SLAIN2: variants seen among roughly 807,000 people sequenced by gnomAD.
SLAIN2 encodes the protein SLAIN family member 2, also known as SLAIN motif-containing protein 2.
Under a neutral mutation model 56.6 loss-of-function variants are expected in SLAIN2, and 31 were observed. The observed-to-expected ratio is 0.55, with a 90% CI of 0.41 to 0.74. The LOEUF (loss-of-function observed/expected upper bound fraction) is 0.74, where lower values mean the gene tolerates loss of function less well. Ranked by LOEUF, SLAIN2 falls within the 30% of genes least tolerant of loss-of-function variation. The pLI is 0.00. For synonymous variants in SLAIN2, 317 were observed against 284.9 expected (o/e 1.11, Z -1.13); for missense variants, 777 against 754.2 (o/e 1.03, Z -0.35).
Position 48,341,916 on chromosome 4 carries a change from C to T in SLAIN2, c.177C>T (p.Ser59=), listed in dbSNP as rs1161741613. 27 of 1,506,088 alleles carry T rather than the reference C, an allele frequency of 1.8e-5. No homozygotes were observed. In the East Asian group the frequency reaches 7.3e-4, roughly 41 times the overall value. 93.3% of individuals were successfully genotyped at this position (1,506,088 alleles called of 1,614,324 possible). ...GGGCCGGCGCGTCCATTCCCTCCTC[C>T]GGCGCGGCGTCTCCTCGGGGCTTCC... The part of the protein sequence containing the change: ...PVRAGASIPS[S]GAASPRGFPL... The change falls in exon 1 of 8, where the codon TCC becomes TCT. Residue 59 remains serine (S), a synonymous_variant. Transcript: ENST00000264313.
intron 1 of SLAIN2, among the ~76,000 whole-genome samples, chr4:48,367,308 A>G (rs1345116939): frequency 6.6e-6 from 1 of 152,188 alleles, no homozygotes; most frequent in Non-Finnish European, 1.5e-5. Flanking sequence ...GGACACTGAA[A>G]TAAGAGGATA....
chr4:48,378,078 T>C lies in SLAIN2; in HGVS notation c.703+18T>C, dbSNP rs373416896. 4.7e-5 allele frequency: 75 copies of C among 1,609,238 alleles called. No homozygotes were observed. Among genetic ancestry groups the C allele is most frequent in the African/African-American group, 1.2e-4 (9 of 74,714 alleles). ...AAATTCAGGTAAGGAGAAAATGATA[T>C]GGAGCTATTAAGGAATGTTTTTTAG... On this transcript the variant is annotated intron_variant, in intron 3 of 7. Coordinates refer to ENST00000264313, the MANE Select transcript of SLAIN2 (RefSeq NM_020846.2).
chr4:48,373,435 G>A (rs898957295), intron 2 of SLAIN2, among the ~76,000 whole-genome samples: 2 of 151,988 alleles, frequency 1.3e-5, no homozygotes, highest in African/African-American at 4.8e-5. Flanking sequence ...TGTTTATATG[G>A]TGTCTAGTAT....
At chr4:48,369,155 ATAAAT>A (rs1189889038) in intron 1 of SLAIN2, among the ~76,000 whole-genome samples, 4 of 152,336 alleles carry the variant, frequency 2.6e-5, no homozygotes, top group South Asian at 2.1e-4. Flanking sequence ...GACACTTGAA[ATAAAT>A]TAATAGTAAC....
At chr4:48,397,836 C>CT (rs1486033022) in intron 6 of SLAIN2, among the ~76,000 whole-genome samples, 1 of 152,128 alleles carries the variant, frequency 6.6e-6, no homozygotes, top group Non-Finnish European at 1.5e-5. Flanking sequence ...GACATGAACT[C>CT]TTTCTTTCTT....
At position 48,348,029 on chromosome 4, in the gene SLAIN2, A is replaced by T. The variant is rs192829311; in HGVS notation, c.389+5901A>T. Among the ~76,000 whole-genome samples, 259 of 152,372 alleles carry T rather than the reference A, an allele frequency of 1.7e-3. 1 individual carries two copies. Among genetic ancestry groups the T allele is most frequent in the African/African-American group, 6.0e-3 (249 of 41,586 alleles). Reference sequence around the variant, plus strand: ...GAGATTGACACCAAACCTAAAAGTCAAGTCTGATGAAGTACGATTGATCTT... The same window carrying T: ...GAGATTGACACCAAACCTAAAAGTCTAGTCTGATGAAGTACGATTGATCTT... On this transcript the variant is annotated intron_variant, in intron 1 of 7. Transcript: ENST00000264313.
At chr4:48,379,629 A>G in intron 3 of SLAIN2, 61 bp from the exon 4 acceptor site, 1 of 1,245,962 alleles carries the variant, frequency 8.0e-7, no homozygotes, top group Non-Finnish European at 1.0e-6. Flanking sequence ...TAGTTGCAGT[A>G]GGCATTTATT....
chr4:48,421,949 A>G (rs1717166090), intron 7 of SLAIN2, 62 bp from the exon 8 acceptor site: 1 of 1,264,100 alleles, frequency 7.9e-7, no homozygotes, highest in African/African-American at 1.5e-5. Context: ...TGTGTGAGAT[A>G]GTATGGTACT....
At chr4:48,405,009 G>A (rs1289486535) in intron 6 of SLAIN2, among the ~76,000 whole-genome samples, 1 of 152,012 alleles carries the variant, frequency 6.6e-6, no homozygotes, top group Non-Finnish European at 1.5e-5. Context: ...TGATGTTGTA[G>A]GACTTTACTT....
At chr4:48,363,648 G>A in intron 1 of SLAIN2, among the ~76,000 whole-genome samples, 1 of 107,884 alleles carries the variant, frequency 9.3e-6, no homozygotes, top group Non-Finnish European at 2.0e-5. Flanking sequence ...CCCGGACGGG[G>A]CGGCTGGCCG....
At chr4:48,352,739 A>G (rs1183081549) in intron 1 of SLAIN2, among the ~76,000 whole-genome samples, 1 of 152,214 alleles carries the variant, frequency 6.6e-6, no homozygotes, top group Admixed American at 6.5e-5. Flanking sequence ...TGCAGTAATA[A>G]GTTTCGTATT....
intron 6 of SLAIN2, among the ~76,000 whole-genome samples, chr4:48,389,431 T>C (rs1422376587): frequency 6.6e-6 from 1 of 152,196 alleles, no homozygotes; most frequent in Non-Finnish European, 1.5e-5. Flanking sequence ...GTCACTTATG[T>C]GTTCCTTAAT....
intron 6 of SLAIN2, among the ~76,000 whole-genome samples, chr4:48,396,878 G>A (rs1716405559): frequency 1.3e-5 from 2 of 152,186 alleles, no homozygotes; most frequent in South Asian, 4.1e-4. Flanking sequence ...AGTAAGAACT[G>A]TGTTGCTTGG....
At chr4:48,389,629 C>T (rs1232388320) in intron 6 of SLAIN2, among the ~76,000 whole-genome samples, 2 of 152,188 alleles carry the variant, frequency 1.3e-5, no homozygotes, top group African/African-American at 2.4e-5. Flanking sequence ...TCAGCCAGCT[C>T]AGAAGGAGCT....
intron 6 of SLAIN2, among the ~76,000 whole-genome samples, chr4:48,409,125 A>AC (rs1373014996): frequency 6.6e-6 from 1 of 152,164 alleles, no homozygotes; most frequent in Non-Finnish European, 1.5e-5. Context: ...AAGCAATGTG[A>AC]AATAATAACA....
At chr4:48,402,682 C>G (rs1032957140) in intron 6 of SLAIN2, among the ~76,000 whole-genome samples, 1 of 152,114 alleles carries the variant, frequency 6.6e-6, no homozygotes, top group African/African-American at 2.4e-5. Context: ...TTCTTAGCTT[C>G]TTTGCATTGG....
chr4:48,385,848 G>A (rs1230221821), intron 6 of SLAIN2, among the ~76,000 whole-genome samples: 1 of 151,588 alleles, frequency 6.6e-6, no homozygotes, highest in East Asian at 1.9e-4. Context: ...TATACTTCAT[G>A]TTAAGCTGTT....
chr4:48,361,285 A>G (rs1379872577), intron 1 of SLAIN2, among the ~76,000 whole-genome samples: 1 of 152,220 alleles, frequency 6.6e-6, no homozygotes, highest in African/African-American at 2.4e-5. Flanking sequence ...ACTTGTTGCA[A>G]GGGGAACAAC....
At chr4:48,414,134 T>C (rs532586099) in intron 6 of SLAIN2, among the ~76,000 whole-genome samples, 1 of 152,336 alleles carries the variant, frequency 6.6e-6, no homozygotes, top group Non-Finnish European at 1.5e-5. Context: ...GTTCTAATTT[T>C]TGCTCAGAGC....
Sources: gnomAD v4.1 joint callset for allele counts (sites outside exome capture counted in the v4.1 genomes callset) on GRCh38, gnomAD v4.1.1 for gene constraint, MANE v1.5 for transcripts, NCBI Gene and HGNC (gene_info 2026-07-23, HGNC 2026-07-21) for gene names.